The following SCAPER variants were observed in gnomAD, a reference collection of about 807,000 sequenced individuals.
SCAPER encodes the protein S phase cyclin A-associated protein in the endoplasmic reticulum.
In SCAPER, 98 loss-of-function variants were observed where a neutral mutation model predicts 182.2. The observed-to-expected ratio is 0.54, with a 90% CI of 0.46 to 0.64. The LOEUF is 0.64. Ranked by LOEUF, SCAPER falls within the 30% of genes least tolerant of loss-of-function variation. SCAPER has a pLI of 0.00. For synonymous variants in SCAPER, 605 were observed against 564.6 expected, an observed-to-expected ratio of 1.07 and a Z score of -1.01; for missense variants, 1,432 against 1,690.0, an observed-to-expected ratio of 0.85 and a Z score of 2.68.
intron 20 of SCAPER, among the ~76,000 whole-genome samples, chr15:76,681,971 A>G (rs1441516671): frequency 1.3e-5 from 2 of 152,132 alleles, no homozygotes; most frequent in Admixed American, 1.3e-4. Flanking sequence ...CATGAGACAC[A>G]GGCAGTCCCA....
intron 26 of SCAPER, among the ~76,000 whole-genome samples, chr15:76,410,624 T>C (rs541459344): frequency 4.6e-5 from 7 of 152,320 alleles, no homozygotes; most frequent in African/African-American, 1.4e-4. Context: ...TGCTATAGTT[T>C]GGTCAAGGTC....
chr15:76,885,012 C>T (rs962542307), intron 1 of SCAPER, among the ~76,000 whole-genome samples: 3 of 152,046 alleles, frequency 2.0e-5, no homozygotes, highest in South Asian at 2.1e-4. Flanking sequence ...CTGAAGGCTG[C>T]GGGGTTAGGA....
At chr15:76,778,857 G>A (rs928755310) in intron 8 of SCAPER, among the ~76,000 whole-genome samples, 11 of 151,888 alleles carry the variant, frequency 7.2e-5, no homozygotes. Flanking sequence ...TTATCTAAAA[G>A]CAACTCATCT....
chr15:76,806,945 C>A (rs1254903346), intron 5 of SCAPER, among the ~76,000 whole-genome samples: 1 of 152,072 alleles, frequency 6.6e-6, no homozygotes, highest in Non-Finnish European at 1.5e-5. Context: ...TTTATTAGCT[C>A]TAATAATTGG....
intron 21 of SCAPER, among the ~76,000 whole-genome samples, chr15:76,652,329 C>T (rs55986018): frequency 2.8e-5 from 1 of 35,592 alleles, no homozygotes; most frequent in Non-Finnish European, 4.9e-5. Flanking sequence ...CACACACACA[C>T]ACATACACAT....
chr15:76,379,135 C>T (rs1038621506), intron 28 of SCAPER, among the ~76,000 whole-genome samples: 3 of 152,114 alleles, frequency 2.0e-5, no homozygotes, highest in Non-Finnish European at 4.4e-5. Context: ...TTAAAGGCCC[C>T]GATGCTAGAA....
At chr15:76,479,251 T>C (rs2143012062) in intron 24 of SCAPER, among the ~76,000 whole-genome samples, 1 of 152,288 alleles carries the variant, frequency 6.6e-6, no homozygotes, top group Non-Finnish European at 1.5e-5. Flanking sequence ...ACAACCTCTA[T>C]TTGAGGAGTA....
intron 20 of SCAPER, among the ~76,000 whole-genome samples, chr15:76,692,200 G>T (rs2147141299): frequency 1.3e-5 from 2 of 152,322 alleles, no homozygotes; most frequent in South Asian, 4.1e-4. Context: ...TACCTTAAGA[G>T]AATGTGTTTT....
intron 2 of SCAPER, among the ~76,000 whole-genome samples, chr15:76,869,815 T>C (rs530423059): frequency 2.0e-5 from 3 of 152,288 alleles, no homozygotes; most frequent in South Asian, 2.1e-4. Flanking sequence ...CCCATGTTTA[T>C]TACATCACTA....
intron 22 of SCAPER, among the ~76,000 whole-genome samples, chr15:76,574,615 G>C (rs1352342423): frequency 6.6e-6 from 1 of 152,184 alleles, no homozygotes; most frequent in East Asian, 1.9e-4. Flanking sequence ...GATGAGAGCA[G>C]AGAAAATGAG....
intron 5 of SCAPER, among the ~76,000 whole-genome samples, chr15:76,808,048 A>G (rs2066306014): frequency 6.6e-6 from 1 of 152,102 alleles, no homozygotes. Flanking sequence ...CAGTATTCTG[A>G]GTCTCCTGGG....
chr15:76,575,083 T>G (rs1429992945), intron 22 of SCAPER, among the ~76,000 whole-genome samples: 1 of 152,202 alleles, frequency 6.6e-6, no homozygotes, highest in Non-Finnish European at 1.5e-5. Context: ...TTCTGTTTTT[T>G]ACTCTTCTTA....
intron 23 of SCAPER, among the ~76,000 whole-genome samples, chr15:76,524,066 C>T (rs2043009576): frequency 6.6e-6 from 1 of 151,994 alleles, no homozygotes. Context: ...TCTTGATGGC[C>T]CAATTACTCA....
At chr15:76,844,656 T>C (rs753690120) in intron 4 of SCAPER, among the ~76,000 whole-genome samples, 12 of 152,028 alleles carry the variant, frequency 7.9e-5, no homozygotes, top group African/African-American at 1.9e-4. Flanking sequence ...CCTATCAAGA[T>C]TGAACCATAA....
intron 5 of SCAPER, among the ~76,000 whole-genome samples, chr15:76,816,358 CA>C (rs796284971): frequency 2.0e-5 from 3 of 152,208 alleles, no homozygotes; most frequent in African/African-American, 7.2e-5. Context: ...TCCTATCTAA[CA>C]TTTTTTTTCC....
rs1435359403 is a variant in SCAPER at position 76,771,860 on chromosome 15, G to C, written c.1130C>G (p.Thr377Arg). The C allele has an allele frequency of 7.4e-6, 12 of 1,612,896 alleles. 1 individual carries two copies. In the Admixed American group the frequency reaches 8.3e-5, roughly 11 times the overall value. ...TTGCAGCATAACTGAAACACACTCT[G>C]TATCAATGTGGACAGCAGATATTTC... Reference protein sequence around the residue: ...TSEISAVHIDTECVSVMLQAG... With the variant: ...TSEISAVHIDRECVSVMLQAG... Residue 377 changes from threonine (T) to arginine (R), a missense_variant, in exon 10 of 32, where the codon ACA (threonine) becomes AGA (arginine). This residue lies in a region of SCAPER where 480 missense variants were observed against 510.2 expected (regional missense o/e 0.94). Transcript: ENST00000563290.
At chr15:76,694,663 C>T (rs2058559264) in intron 20 of SCAPER, among the ~76,000 whole-genome samples, 1 of 152,036 alleles carries the variant, frequency 6.6e-6, no homozygotes, top group South Asian at 2.1e-4. Context: ...TTAAACAAAA[C>T]CTTTAAGGAA....
rs2045923471 is a variant in SCAPER at position 76,420,092 on chromosome 15, C to CA, written c.3311+13985dup. Among the ~76,000 whole-genome samples, 3 of 152,198 alleles carry CA rather than the reference C, an allele frequency of 2.0e-5. No homozygotes were observed. The East Asian group carries it at 5.8e-4, about 29-fold the overall frequency. The stretch of plus-strand genomic sequence containing the variant: ...AATTTGACAAAACTCAACATTCCTT[C>CA]ATTGAAAAAACTCTCAACAAATTCA... On this transcript the variant is annotated intron_variant, in intron 26 of 31. Transcript: ENST00000563290.
At chr15:76,453,143 T>A (rs2048493907) in intron 25 of SCAPER, among the ~76,000 whole-genome samples, 1 of 152,198 alleles carries the variant, frequency 6.6e-6, no homozygotes, top group South Asian at 2.1e-4. Flanking sequence ...TAAGAGGACC[T>A]TTTTCCCTGA....
Sources: allele counts gnomAD v4.1 joint callset (sites outside exome capture counted in the v4.1 genomes callset), GRCh38; gene constraint gnomAD v4.1.1; regional missense constraint gnomAD v4.1.1; transcripts MANE v1.5; gene names NCBI Gene and HGNC (gene_info 2026-07-23, HGNC 2026-07-21).